CFAP61: variants seen among roughly 807,000 people sequenced by gnomAD.
CFAP61 encodes cilia and flagella associated protein 61.
Under a neutral mutation model 135.6 loss-of-function variants are expected in CFAP61, and 107 were observed. The observed-to-expected ratio is 0.79, with a 90% confidence interval of 0.67 to 0.93. The LOEUF (loss-of-function observed/expected upper bound fraction) is 0.93, where lower values mean the gene tolerates loss of function less well. Among genes scored for constraint, CFAP61 ranks in the 40% least tolerant of loss-of-function variants. CFAP61 has a pLI of 0.00. For missense variants in CFAP61, 1,507 were observed against 1,556.2 expected (o/e 0.97, Z 0.53); for synonymous variants, 575 against 578.5 (o/e 0.99, Z 0.09).
At position 20,349,513 on chromosome 20, in the gene CFAP61, A is replaced by G. The variant is rs139278146; in HGVS notation, c.3513+7592A>G. 7.8e-3 allele frequency among the ~76,000 whole-genome samples: 1,182 copies of G among 151,934 alleles called. 16 individuals carry two copies. The highest frequency in any genetic ancestry group is 0.027 in the African/African-American group (1,126 of 41,390). ...GAGGGATCCTCCCTAAGACCCAAAC[A>G]CCTCCTCCAGGTCCCACTTCCAGCA... On this transcript the variant is annotated intron_variant, in intron 26 of 26. Transcript: ENST00000245957.
At chr20:20,190,868 T>C (rs1601299001) in intron 14 of CFAP61, among the ~76,000 whole-genome samples, 2 of 152,152 alleles carry the variant, frequency 1.3e-5, no homozygotes, top group South Asian at 2.1e-4. Context: ...CGTGCAATCC[T>C]AGCACTCTGG....
intron 7 of CFAP61, among the ~76,000 whole-genome samples, chr20:20,093,700 C>G (rs2146623410): frequency 6.6e-6 from 1 of 152,256 alleles, no homozygotes; most frequent in East Asian, 1.9e-4. Flanking sequence ...GTTGGAATTA[C>G]AGGTGTGAGC....
intron 3 of CFAP61, among the ~76,000 whole-genome samples, chr20:20,072,681 G>C (rs544645929): frequency 3.6e-4 from 54 of 151,984 alleles, no homozygotes; most frequent in Non-Finnish European, 7.5e-4. Context: ...GTATAGTGCT[G>C]GGCTGTCCAA....
intron 8 of CFAP61, among the ~76,000 whole-genome samples, chr20:20,135,427 T>C (rs2050847571): frequency 6.6e-6 from 1 of 152,192 alleles, no homozygotes; most frequent in African/African-American, 2.4e-5. Context: ...CACAAAAACA[T>C]GTCAAGAAAT....
intron 2 of CFAP61, 99 bp from the exon 3 acceptor site, chr20:20,070,755 T>C: frequency 9.7e-7 from 1 of 1,035,682 alleles, no homozygotes; most frequent in Admixed American, 2.5e-5. Context: ...CCTCATGCAG[T>C]GGCTGCTGAG....
chr20:20,283,147 T>C (rs899087740), intron 22 of CFAP61, among the ~76,000 whole-genome samples: 4 of 152,214 alleles, frequency 2.6e-5, no homozygotes, highest in African/African-American at 9.7e-5. Context: ...GGTATTAAAA[T>C]CTGTTACTAT....
chr20:20,210,491 C>T (rs1309021289), intron 17 of CFAP61, among the ~76,000 whole-genome samples: 1 of 152,234 alleles, frequency 6.6e-6, no homozygotes, highest in African/African-American at 2.4e-5. Flanking sequence ...TGGGTCTGCC[C>T]AAAGGCCTGG....
At chr20:20,327,773 C>A (rs1315143818) in intron 25 of CFAP61, among the ~76,000 whole-genome samples, 8 of 82,092 alleles carry the variant, frequency 9.7e-5, no homozygotes, top group Non-Finnish European at 1.5e-4. Context: ...GAGCAAGAGC[C>A]TGTCAAAAAA....
chr20:20,144,541 G>A (rs1233893634), intron 9 of CFAP61, among the ~76,000 whole-genome samples: 2 of 151,804 alleles, frequency 1.3e-5, no homozygotes, highest in Non-Finnish European at 1.5e-5. Context: ...TGAGTTTGGG[G>A]ACAACTTCAG....
chr20:20,275,365 C>T (rs1308995273), intron 21 of CFAP61, among the ~76,000 whole-genome samples: 1 of 152,234 alleles, frequency 6.6e-6, no homozygotes, highest in African/African-American at 2.4e-5. Flanking sequence ...ACCGAAGTCT[C>T]ATATTTTTGT....
chr20:20,112,067 A>G (rs755219948), intron 8 of CFAP61, among the ~76,000 whole-genome samples: 2 of 152,164 alleles, frequency 1.3e-5, no homozygotes, highest in Non-Finnish European at 2.9e-5. Flanking sequence ...TTCTAGAAAA[A>G]CTTCAGAATA....
Position 20,151,546 on chromosome 20 carries a change from G to C in CFAP61, c.952-7824G>C, listed in dbSNP as rs540988130. 2.4e-4 allele frequency among the ~76,000 whole-genome samples: 36 copies of C among 152,098 alleles called. No individual in the cohort carries two copies. In the South Asian group the frequency reaches 7.3e-3, roughly 31 times the overall value. On this transcript the variant is annotated intron_variant, in intron 9 of 26. Coordinates refer to ENST00000245957, the MANE Select transcript of CFAP61 (RefSeq NM_015585.4). Reference sequence around the variant, plus strand: ...CATCCAAATATAAGAAGCTCAAAGGGCCAGGTTCAGTGGCTCATACCTGTA... The same window carrying C: ...CATCCAAATATAAGAAGCTCAAAGGCCCAGGTTCAGTGGCTCATACCTGTA...
chr20:20,070,029 T>TG, intron 2 of CFAP61: 1 of 270,618 alleles, frequency 3.7e-6, no homozygotes, highest in Non-Finnish European at 7.3e-6. Context: ...AAATGGTTCT[T>TG]GGGGTGGTAA....
chr20:20,121,078 A>G (rs1353208471), intron 8 of CFAP61, among the ~76,000 whole-genome samples: 1 of 127,928 alleles, frequency 7.8e-6, no homozygotes, highest in Non-Finnish European at 1.7e-5. Flanking sequence ...TTATCTATTC[A>G]TTTGCTCTAT....
intron 8 of CFAP61, among the ~76,000 whole-genome samples, chr20:20,115,248 T>C (rs2049056918): frequency 6.6e-6 from 1 of 151,256 alleles, no homozygotes; most frequent in Non-Finnish European, 1.5e-5. Flanking sequence ...AGTTGAAGAG[T>C]ATTCTCTCTT....
In CFAP61 at chr20:20,312,609, A is replaced by C. The variant is rs1043537088; in HGVS notation, c.3422+14223A>C. ...AATCTGAGAAGCTCAGTGAATCTCA[A>C]GCATAAAAAAAAATGAAGAAAACTA... is the stretch of plus-strand genomic sequence containing the variant. On this transcript the variant is annotated intron_variant, in intron 25 of 26. Coordinates refer to ENST00000245957, the MANE Select transcript of CFAP61 (RefSeq NM_015585.4). 2.0e-5 allele frequency among the ~76,000 whole-genome samples: 3 copies of C among 151,884 alleles called. No homozygotes were observed. In the East Asian group the frequency reaches 5.8e-4, roughly 29 times the overall value.
At chr20:20,202,782 G>T (rs1425911457) in intron 17 of CFAP61, among the ~76,000 whole-genome samples, 2 of 151,864 alleles carry the variant, frequency 1.3e-5, no homozygotes, top group Non-Finnish European at 2.9e-5. Flanking sequence ...CCCTCCCAGT[G>T]CATCAAGCTT....
rs3060422 is a variant in CFAP61 at position 20,084,401 on chromosome 20, C to CCTGCTGCTG, written c.567-6412_567-6404dup. On this transcript the variant is annotated intron_variant, in intron 6 of 26. Transcript: ENST00000245957. Reference sequence around the variant, plus strand: ...GCCAGGATTCTGGATGCGGAGGTGGCCTGCTGCTGCTGCTGCTGCTGCTGC... The same window carrying CCTGCTGCTG: ...GCCAGGATTCTGGATGCGGAGGTGGCCTGCTGCTGCTGCTGCTGCTGCTGCTGCTGCTGC... Among the ~76,000 whole-genome samples the CCTGCTGCTG allele has an allele frequency of 7.9e-3, 1,192 of 150,806 alleles. 12 individuals carry two copies. Among genetic ancestry groups the CCTGCTGCTG allele is most frequent in the African/African-American group, 0.027 (1,091 of 41,026 alleles).
intron 8 of CFAP61, among the ~76,000 whole-genome samples, chr20:20,126,012 GTC>G (rs2050040001): frequency 6.6e-6 from 1 of 151,608 alleles, no homozygotes; most frequent in African/African-American, 2.4e-5. Flanking sequence ...AGTTTGTTTT[GTC>G]TGATATAAGA....
Sources: allele counts gnomAD v4.1 joint callset (sites outside exome capture counted in the v4.1 genomes callset), GRCh38; gene constraint gnomAD v4.1.1; transcripts MANE v1.5; gene names NCBI Gene and HGNC (gene_info 2026-07-23, HGNC 2026-07-21).